NKD1: variants seen among roughly 807,000 people sequenced by gnomAD.
NKD1 encodes the protein protein naked cuticle homolog 1.
In NKD1, 21 loss-of-function variants were observed where a neutral mutation model predicts 56.0. That is an observed-to-expected ratio of 0.38 (90% CI 0.27 to 0.54). NKD1 has a LOEUF of 0.54. NKD1 is among the 20% of genes least tolerant of loss of function. The pLI is 0.82. For missense variants in NKD1, 578 were observed against 642.7 expected, an observed-to-expected ratio of 0.90 and a Z score of 1.09; for synonymous variants, 263 against 265.7, an observed-to-expected ratio of 0.99 and a Z score of 0.10.
intron 3 of NKD1, chr16:50,607,301 A>T: frequency 4.4e-6 from 1 of 229,394 alleles, no homozygotes; most frequent in South Asian, 5.9e-5. Context: ...TCTTTTGTTC[A>T]TCAAGAAGAG....
At chr16:50,603,096 C>G (rs951184801) in intron 3 of NKD1, among the ~76,000 whole-genome samples, 5 of 152,206 alleles carry the variant, frequency 3.3e-5, no homozygotes, top group South Asian at 2.1e-4. Context: ...GCATCAGACA[C>G]CATCCTAGGC....
At chr16:50,621,989 C>G (rs1026415122) in intron 5 of NKD1, among the ~76,000 whole-genome samples, 2 of 152,234 alleles carry the variant, frequency 1.3e-5, no homozygotes, top group East Asian at 3.9e-4. Flanking sequence ...ACGAGGGAGG[C>G]AGGACTCTGG....
At chr16:50,572,905 GC>G (rs1413787808) in intron 3 of NKD1, 1 of 982,114 alleles carries the variant, frequency 1.0e-6, no homozygotes, top group Non-Finnish European at 1.2e-6. Context: ...GTGCTGACCT[GC>G]CCCGTGCAGA....
rs1032217154 is a variant in NKD1, at chr16:50,636,880, A to T, written c.*3099A>T. ...TTCGGATCTATTTTTAAGGGGGGGA[A>T]CCCTGCAGTTACTGCTTAATCCTCT... On this transcript the variant is annotated 3_prime_UTR_variant, in exon 10 of 10. Transcript: ENST00000268459. The T allele has an allele frequency of 6.6e-6, 1 of 152,040 alleles. No homozygotes were observed. The highest frequency in any genetic ancestry group is 2.4e-5 in the African/African-American group (1 of 41,376). The allele number at this position is 152,040 out of a possible 1,614,324, so 9.4% of individuals were successfully genotyped here.
chr16:50,625,620 C>T (rs371205472), intron 6 of NKD1, 40 bp downstream of exon 6: 46 of 1,312,798 alleles, frequency 3.5e-5, no homozygotes, highest in Middle Eastern at 1.9e-4. Context: ...GTATCATACC[C>T]GCAGGCACAG....
At chr16:50,606,411 C>T (rs919020884) in intron 3 of NKD1, 5 of 243,724 alleles carry the variant, frequency 2.1e-5, no homozygotes, top group East Asian at 8.6e-5. Context: ...ACCATGGCTC[C>T]GGGGAGCTTT....
Position 50,548,706 on chromosome 16 carries a change from T to A in NKD1, c.26-11T>A. On this transcript the variant is annotated splice_polypyrimidine_tract_variant and intron_variant, in intron 1 of 9. Coordinates refer to ENST00000268459, the MANE Select transcript of NKD1 (RefSeq NM_033119.5). ...TGCCGCCGCCGCCGCCGCCTCGCGA[T>A]GTGCCTGCAGCCGCCGTGTGCAAGC... 1 of 1,465,018 alleles carries A rather than the reference T, an allele frequency of 6.8e-7. No homozygotes were observed. Among genetic ancestry groups the A allele is most frequent in the Non-Finnish European group, 9.0e-7 (1 of 1,116,670 alleles). The allele number at this position is 1,465,018 out of a possible 1,614,324, so 90.8% of individuals were successfully genotyped here. A position where few individuals can be genotyped will look rare whatever the true frequency, so the allele number is the denominator to read the frequency against.
intron 3 of NKD1, among the ~76,000 whole-genome samples, chr16:50,584,030 A>G (rs1040746881): frequency 2.6e-5 from 4 of 152,238 alleles, no homozygotes; most frequent in African/African-American, 7.2e-5. Context: ...AGCTGTTGCC[A>G]TGTTGCAAAC....
chr16:50,572,549 T>G (rs1960907195), intron 3 of NKD1, among the ~76,000 whole-genome samples: 3 of 152,096 alleles, frequency 2.0e-5, no homozygotes, highest in African/African-American at 7.2e-5. Flanking sequence ...GCTCGATGGC[T>G]GGGGGTAGTG....
intron 4 of NKD1, among the ~76,000 whole-genome samples, chr16:50,621,034 CGTGT>C (rs1200384180): frequency 7.9e-5 from 12 of 152,316 alleles, no homozygotes; most frequent in African/African-American, 2.4e-4. Flanking sequence ...TCTGCATGTG[CGTGT>C]GTATGTGTGT....
In NKD1 at chr16:50,637,639, T is replaced by TGGAA. The variant is rs1397599967; in HGVS notation, c.*3870_*3873dup. The TGGAA allele has an allele frequency of 1.3e-5, 2 of 152,014 alleles. No homozygotes were observed. Among genetic ancestry groups the TGGAA allele is most frequent in the Non-Finnish European group, 2.9e-5 (2 of 67,998 alleles). 9.4% of individuals were successfully genotyped at this position (152,014 alleles called of 1,614,324 possible). The stretch of plus-strand genomic sequence containing the variant: ...AGAAGAAAGAGAGAGGAAGGAAGGT[T>TGGAA]GGAAGGAAGGAAGGAGGGAAAATTA... On this transcript the variant is annotated 3_prime_UTR_variant, in exon 10 of 10. Coordinates refer to ENST00000268459, the MANE Select transcript of NKD1 (RefSeq NM_033119.5).
intron 3 of NKD1, among the ~76,000 whole-genome samples, chr16:50,580,206 A>G (rs777592719): frequency 3.9e-5 from 6 of 152,216 alleles, no homozygotes; most frequent in African/African-American, 1.2e-4. Context: ...TTGAGAATGA[A>G]TTCTATTTCT....
At chr16:50,607,393 G>T (rs926648994) in intron 3 of NKD1, 25 of 160,300 alleles carry the variant, frequency 1.6e-4, no homozygotes, top group African/African-American at 5.6e-4. Context: ...TTTTGTTTTT[G>T]TTTTTTTTCT....
At chr16:50,588,313 A>T in intron 3 of NKD1, among the ~76,000 whole-genome samples, 1 of 152,278 alleles carries the variant, frequency 6.6e-6, no homozygotes, top group East Asian at 1.9e-4. Context: ...TTAGAATGAC[A>T]GGTCACATAC....
intron 3 of NKD1, among the ~76,000 whole-genome samples, chr16:50,586,343 CG>C (rs886207167): frequency 7.1e-6 from 1 of 140,828 alleles, no homozygotes; most frequent in Non-Finnish European, 1.5e-5. Context: ...TTTGAGAAAG[CG>C]TGGATCACTG....
chr16:50,585,607 G>A (rs760192163), intron 3 of NKD1, among the ~76,000 whole-genome samples: 3 of 152,140 alleles, frequency 2.0e-5, no homozygotes, highest in Non-Finnish European at 2.9e-5. Flanking sequence ...AGATCCAGCC[G>A]CCAAGCGTTT....
intron 3 of NKD1, among the ~76,000 whole-genome samples, chr16:50,580,357 G>C (rs1362521536): frequency 1.3e-5 from 2 of 152,264 alleles, no homozygotes; most frequent in East Asian, 3.9e-4. Context: ...CCAGTGCTTA[G>C]AGCGGTGCCT....
chr16:50,622,189 C>T (rs1490212590), intron 5 of NKD1, among the ~76,000 whole-genome samples: 1 of 152,218 alleles, frequency 6.6e-6, no homozygotes, highest in African/African-American at 2.4e-5. Context: ...GATGTGCCTC[C>T]GTGTGGCTCT....
intron 5 of NKD1, among the ~76,000 whole-genome samples, chr16:50,624,945 C>T (rs537688742): frequency 5.9e-5 from 9 of 152,308 alleles, no homozygotes; most frequent in South Asian, 2.1e-4. Flanking sequence ...CCAGCAACCT[C>T]GTGGGAGAGA....
Sources: allele counts gnomAD v4.1 joint callset (sites outside exome capture counted in the v4.1 genomes callset), GRCh38; gene constraint gnomAD v4.1.1; transcripts MANE v1.5; gene names NCBI Gene and HGNC (gene_info 2026-07-23, HGNC 2026-07-21).